CDK9: variants seen among roughly 807,000 people sequenced by gnomAD.
CDK9 encodes cyclin dependent kinase 9, also known as cyclin-dependent kinase 9.
CDK9 carries 34 observed loss-of-function variants against 39.0 expected under a neutral mutation model. That is an observed-to-expected ratio of 0.87 (90% CI 0.66 to 1.16). CDK9 has a LOEUF of 1.16. CDK9 is among the 50% of genes most tolerant of loss of function. CDK9 has a pLI of 0.00. For synonymous variants in CDK9, 233 were observed against 196.2 expected (o/e 1.19, Z -1.57); for missense variants, 369 against 503.2 (o/e 0.73, Z 2.55).
At position 127,789,923 on chromosome 9, in the gene CDK9, G is replaced by T; in HGVS notation, c.*380G>T. 1 of 205,670 alleles carries T rather than the reference G, an allele frequency of 4.9e-6. No homozygotes were observed. The highest frequency in any genetic ancestry group is 9.9e-6 in the Non-Finnish European group (1 of 101,394). The allele number at this position is 205,670 out of a possible 1,614,324, so 12.7% of individuals were successfully genotyped here. On this transcript the variant is annotated 3_prime_UTR_variant, in exon 7 of 7. Coordinates refer to ENST00000373264, the MANE Select transcript of CDK9 (RefSeq NM_001261.4). The surrounding 1 kb of genome is among the most constrained non-coding windows in gnomAD (Gnocchi z 5.2). ...TGGGGACAGGGCTCGCCTCAGGAAT[G>T]GGCTGTTTTTGGCCTAACCCTCAGA... is the stretch of plus-strand genomic sequence containing the variant.
intron 1 of CDK9, 87 bp from the exon 2 acceptor site, chr9:127,786,614 G>A: frequency 8.3e-7 from 1 of 1,203,748 alleles, no homozygotes. Context: ...GAATCTCTTT[G>A]CTGCTGCCCC....
chr9:127,786,372 C>A, intron 1 of CDK9, 132 bp downstream of exon 1: 1 of 772,820 alleles, frequency 1.3e-6, no homozygotes, highest in Non-Finnish European at 2.1e-6. Flanking sequence ...CTCTAGGCCG[C>A]GCCGCACCCC....
At chr9:127,787,356 G>A (rs567498379) in intron 2 of CDK9, 162 bp from the exon 3 acceptor site, 1 of 543,584 alleles carries the variant, frequency 1.8e-6, no homozygotes, top group South Asian at 2.8e-5. Flanking sequence ...ATCTTGAAGT[G>A]TGCATGCTAC....
In CDK9 at chr9:127,789,121, T is replaced by A; in HGVS notation, c.754-57T>A. 6.6e-7 allele frequency: 1 copy of A among 1,512,972 alleles called. No individual in the cohort carries two copies. Among genetic ancestry groups the A allele is most frequent in the Non-Finnish European group, 8.8e-7 (1 of 1,131,754 alleles). The allele number at this position is 1,512,972 out of a possible 1,614,324, so 93.7% of individuals were successfully genotyped here. ...GTCCTTTTAGGCCTTTATGAAGGGA[T>A]AAGCCACGCACCTCCTGACCGGACT... On this transcript the variant is annotated intron_variant, in intron 6 of 6. Coordinates refer to ENST00000373264, the MANE Select transcript of CDK9 (RefSeq NM_001261.4). The surrounding 1 kb of genome is among the most constrained non-coding windows in gnomAD (Gnocchi z 5.2).
Position 127,789,900 on chromosome 9 carries a change from G to C in CDK9, c.*357G>C, listed in dbSNP as rs8083. On this transcript the variant is annotated 3_prime_UTR_variant, in exon 7 of 7. Coordinates refer to ENST00000373264, the MANE Select transcript of CDK9 (RefSeq NM_001261.4). The surrounding 1 kb of genome is among the most constrained non-coding windows in gnomAD (Gnocchi z 5.2). ...ATTCTCGGGCTGAGAACCCTGCGTG[G>C]GGACAGGGCTCGCCTCAGGAATGGG... The C allele has an allele frequency of 9.9e-3, 2,534 of 256,640 alleles. 56 individuals are homozygous for C. The highest frequency in any genetic ancestry group is 0.053 in the African/African-American group (2,329 of 44,242). The allele number at this position is 256,640 out of a possible 1,614,324, so 15.9% of individuals were successfully genotyped here.
In CDK9 at chr9:127,786,208, G is replaced by A. The variant is rs535039188; in HGVS notation, c.60G>A (p.Glu20=). The change falls in exon 1 of 7, where the codon GAG becomes GAA. Residue 20 remains glutamate, a synonymous_variant. Transcript: ENST00000373264. The stretch of plus-strand genomic sequence containing the variant: ...TTTGTGATGAAGTTTCCAAATACGA[G>A]AAGCTCGCCAAGATCGGCCAAGGCA... ...CPFCDEVSKY[E]KLAKIGQGTF... The A allele has an allele frequency of 6.2e-5, 100 of 1,609,804 alleles. No individual in the cohort carries two copies. In the South Asian group the frequency reaches 9.4e-4, roughly 15 times the overall value.
intron 1 of CDK9, among the ~76,000 whole-genome samples, 186 bp from the exon 2 acceptor site, chr9:127,786,515 G>A (rs1829322838): frequency 6.6e-6 from 1 of 152,224 alleles, no homozygotes; most frequent in African/African-American, 2.4e-5. Flanking sequence ...AGAAGGGACT[G>A]AGGGAAGGAA....
In CDK9 at chr9:127,790,291, A is replaced by G. The variant is rs1015173569; in HGVS notation, c.*748A>G. The G allele has an allele frequency of 3.9e-5, 6 of 152,232 alleles. No individual in the cohort carries two copies. The highest frequency in any genetic ancestry group is 8.8e-5 in the Non-Finnish European group (6 of 68,076). The allele number at this position is 152,232 out of a possible 1,614,324, so 9.4% of individuals were successfully genotyped here. On this transcript the variant is annotated 3_prime_UTR_variant, in exon 7 of 7. Coordinates refer to ENST00000373264, the MANE Select transcript of CDK9 (RefSeq NM_001261.4). The stretch of plus-strand genomic sequence containing the variant: ...GTTTTTCCTCTTGGGTGCCTTCCAG[A>G]ACGCATCTCATGTCCCTGGTGAGGG...
chr9:127,789,883 G>T lies in CDK9; in HGVS notation c.*340G>T. Reference sequence around the variant, plus strand: ...CACCCACCCACAATCCTATTCTCGGGCTGAGAACCCTGCGTGGGGACAGGG... The same window carrying T: ...CACCCACCCACAATCCTATTCTCGGTCTGAGAACCCTGCGTGGGGACAGGG... On this transcript the variant is annotated 3_prime_UTR_variant, in exon 7 of 7. Coordinates refer to ENST00000373264, the MANE Select transcript of CDK9 (RefSeq NM_001261.4). The surrounding 1 kb of genome is among the most constrained non-coding windows in gnomAD (Gnocchi z 5.2). 3.4e-6 allele frequency: 1 copy of T among 297,518 alleles called. No individual in the cohort carries two copies. The highest frequency in any genetic ancestry group is 6.4e-6 in the Non-Finnish European group (1 of 157,042). The allele number at this position is 297,518 out of a possible 1,614,324, so 18.4% of individuals were successfully genotyped here. A position where few individuals can be genotyped will look rare whatever the true frequency, so the allele number is the denominator to read the frequency against.
rs755556423 is a variant in CDK9 at position 127,786,100 on chromosome 9, A to AGCGGCGGCAGCAGCGACTGGGG, written c.-40_-19dup. ...CGGCGGCGGCGGGACCCGGAGCAGG[A>AGCGGCGGCAGCAGCGACTGGGG]GCGGCGGCAGCAGCGACTGGGGGCG... On this transcript the variant is annotated 5_prime_UTR_variant, in exon 1 of 7. Coordinates refer to ENST00000373264, the MANE Select transcript of CDK9 (RefSeq NM_001261.4). 4 of 1,440,640 alleles carry AGCGGCGGCAGCAGCGACTGGGG rather than the reference A, an allele frequency of 2.8e-6. No homozygotes were observed. The highest frequency in any genetic ancestry group is 3.8e-6 in the Non-Finnish European group (4 of 1,044,326). 89.2% of individuals were successfully genotyped at this position (1,440,640 alleles called of 1,614,324 possible).
chr9:127,788,487 T>G (rs539167606), intron 5 of CDK9, 57 bp from the exon 6 acceptor site: 1 of 1,532,190 alleles, frequency 6.5e-7, no homozygotes, highest in African/African-American at 1.4e-5. Flanking sequence ...CCTGGGGCAT[T>G]GAGCCTCAGG....
chr9:127,787,829 C>T, intron 3 of CDK9, 118 bp from the exon 4 acceptor site: 2 of 1,117,838 alleles, frequency 1.8e-6, no homozygotes, highest in Non-Finnish European at 2.7e-6. Context: ...AAGGAACAGA[C>T]AGATGCTCTG....
In CDK9 at chr9:127,789,348, C is replaced by T. The variant is rs201136315; in HGVS notation, c.924C>T (p.Asp308=). 26 of 1,613,876 alleles carry T rather than the reference C, an allele frequency of 1.6e-5. No individual in the cohort carries two copies. Among genetic ancestry groups the T allele is most frequent in the Middle Eastern group, 1.6e-4 (1 of 6,084 alleles). ...LDPAQRIDSD[D]ALNHDFFWSD... ...CTGCCCAGCGCATCGACAGCGATGA[C>T]GCCCTCAACCACGACTTCTTCTGGT... is the stretch of plus-strand genomic sequence containing the variant. Residue 308 remains aspartate (D), a synonymous_variant, in exon 7 of 7, where the codon GAC becomes GAT. Coordinates refer to ENST00000373264, the MANE Select transcript of CDK9 (RefSeq NM_001261.4). The surrounding 1 kb of genome is among the most constrained non-coding windows in gnomAD (Gnocchi z 5.2).
chr9:127,787,473 T>A lies in CDK9; in HGVS notation c.175-45T>A, dbSNP rs375458528. On this transcript the variant is annotated intron_variant, in intron 2 of 6. Coordinates refer to ENST00000373264, the MANE Select transcript of CDK9 (RefSeq NM_001261.4). ...CAGTACAGACCCCAGGGCTGGGCTC[T>A]GTACTGCGCTCACTCTTGACCACTT... 21 of 1,377,916 alleles carry A rather than the reference T, an allele frequency of 1.5e-5. No individual in the cohort carries two copies. The East Asian group carries it at 4.8e-4, about 32-fold the overall frequency. The allele number at this position is 1,377,916 out of a possible 1,614,324, so 85.4% of individuals were successfully genotyped here. A position where few individuals can be genotyped will look rare whatever the true frequency, so the allele number is the denominator to read the frequency against.
rs1829382771 is a variant in CDK9, at chr9:127,789,043, C to T, written c.754-135C>T. The T allele has an allele frequency of 2.5e-6, 3 of 1,186,176 alleles. No individual in the cohort carries two copies. The highest frequency in any genetic ancestry group is 1.5e-5 in the African/African-American group (1 of 65,048). 73.5% of individuals were successfully genotyped at this position (1,186,176 alleles called of 1,614,324 possible). On this transcript the variant is annotated intron_variant, in intron 6 of 6. Coordinates refer to ENST00000373264, the MANE Select transcript of CDK9 (RefSeq NM_001261.4). The surrounding 1 kb of genome is among the most constrained non-coding windows in gnomAD (Gnocchi z 5.2). Reference sequence around the variant, plus strand: ...TGCCAATCCATAGCGGGCACTGCTTCTGGGAGGGGTCGAGTAGCAGTCTGG... The same window carrying T: ...TGCCAATCCATAGCGGGCACTGCTTTTGGGAGGGGTCGAGTAGCAGTCTGG...
At chr9:127,786,609 T>A in intron 1 of CDK9, 92 bp from the exon 2 acceptor site, 4 of 1,158,296 alleles carry the variant, frequency 3.5e-6, no homozygotes, top group Non-Finnish European at 5.0e-6. Context: ...CCCGGGAATC[T>A]CTTTGCTGCT....
rs1323337014 is a variant in CDK9, at chr9:127,786,071, A to G, written c.-78A>G. 24 of 1,058,564 alleles carry G rather than the reference A, an allele frequency of 2.3e-5. No individual in the cohort carries two copies. The highest frequency in any genetic ancestry group is 3.3e-5 in the Non-Finnish European group (24 of 736,730). 65.6% of individuals were successfully genotyped at this position (1,058,564 alleles called of 1,614,324 possible). A position where few individuals can be genotyped will look rare whatever the true frequency, so the allele number is the denominator to read the frequency against. ...GTGGCGCGGCCGCGGAGGGGCCTGG[A>G]GTGCGGCGGCGGCGGGACCCGGAGC... On this transcript the variant is annotated 5_prime_UTR_variant, in exon 1 of 7. Coordinates refer to ENST00000373264, the MANE Select transcript of CDK9 (RefSeq NM_001261.4).
chr9:127,789,449 C>T lies in CDK9; in HGVS notation c.1025C>T (p.Pro342Leu), dbSNP rs1363983638. The T allele has an allele frequency of 6.2e-7, 1 of 1,614,100 alleles. No individual in the cohort carries two copies. The highest frequency in any genetic ancestry group is 1.7e-5 in the Admixed American group (1 of 60,016). The change falls in exon 7 of 7, where the codon CCG becomes CTG. Residue 342 changes from proline (P) to leucine (L), a missense_variant. Coordinates refer to ENST00000373264, the MANE Select transcript of CDK9 (RefSeq NM_001261.4). This position sits in a 1 kb window ranked among gnomAD's most constrained non-coding sequence, Gnocchi z 5.2. ...LTSMFEYLAP[P>L]RRKGSQITQQ... is the part of the protein sequence containing the mutation. ...TCCATGTTCGAGTACTTGGCACCAC[C>T]GCGCCGGAAGGGCAGCCAGATCACC...
chr9:127,788,262 G>A lies in CDK9; in HGVS notation c.481G>A (p.Gly161Arg), dbSNP rs760231401. 4.3e-6 allele frequency: 7 copies of A among 1,613,668 alleles called. No individual in the cohort carries two copies. Among genetic ancestry groups the A allele is most frequent in the Non-Finnish European group, 8.5e-7 (1 of 1,180,046 alleles). The change falls in exon 5 of 7, where the codon GGG becomes AGG. Residue 161 changes from glycine (G) to arginine (R), a missense_variant. Gly to Arg is a moderately radical substitution (Grantham distance 125). Transcript: ENST00000373264. ...KAANVLITRD[G>R]VLKLADFGLA... The stretch of plus-strand genomic sequence containing the variant: ...TGCTAATGTGCTTATCACTCGTGAT[G>A]GGGTCCTGAAGCTGGCAGACTTTGG...
Sources: gnomAD v4.1 joint callset for allele counts (sites outside exome capture counted in the v4.1 genomes callset) on GRCh38, gnomAD v4.1.1 for gene constraint, Gnocchi (gnomAD v3.1) non-coding constraint, MANE v1.5 for transcripts, NCBI Gene and HGNC (gene_info 2026-07-23, HGNC 2026-07-21) for gene names.